The following OR5H15 variants were observed in gnomAD, a reference collection of about 807,000 sequenced individuals.
The protein encoded by OR5H15 is olfactory receptor family 5 subfamily H member 15.
For synonymous variants in OR5H15, 153 were observed against 129.1 expected (o/e 1.19, Z -1.26); for missense variants, 405 against 366.1 (o/e 1.11, Z -0.87).
chr3:98,169,408 G>A lies in OR5H15; in HGVS notation c.709G>A (p.Ala237Thr), dbSNP rs746024358. Residue 237 changes from alanine to threonine, a missense_variant, in exon 2 of 2, where the codon GCC becomes ACC. Physicochemically the swap from Ala to Thr is moderately conservative, Grantham distance 58. Transcript: ENST00000641450. Reference sequence around the variant, plus strand: ...GAAATCTGATAAGGGTGTAAGGAAAGCCTTTTCCACCTGTGGAGCCCATCT... The same window carrying A: ...GAAATCTGATAAGGGTGTAAGGAAAACCTTTTCCACCTGTGGAGCCCATCT... ...EKKSDKGVRK[A>T]FSTCGAHLFS... is the part of the protein sequence containing the mutation. 5 of 1,613,440 alleles carry A rather than the reference G, an allele frequency of 3.1e-6. No homozygotes were observed. Among genetic ancestry groups the A allele is most frequent in the African/African-American group, 2.7e-5 (2 of 74,894 alleles).
intron 1 of OR5H15, 82 bp from the exon 2 acceptor site, chr3:98,168,600 G>T: frequency 6.7e-7 from 1 of 1,482,958 alleles, no homozygotes; most frequent in Non-Finnish European, 9.2e-7. Flanking sequence ...TCATTTTAGG[G>T]TTTATTTCAA....
intron 1 of OR5H15, among the ~76,000 whole-genome samples, chr3:98,167,168 TA>T (rs1170918021): frequency 1.3e-5 from 2 of 152,144 alleles, no homozygotes; most frequent in African/African-American, 4.8e-5. Flanking sequence ...ATTATTTTGA[TA>T]TAAATACCCA....
chr3:98,167,275 C>T (rs1246633900), intron 1 of OR5H15, among the ~76,000 whole-genome samples: 1 of 152,098 alleles, frequency 6.6e-6, no homozygotes, highest in East Asian at 1.9e-4. Context: ...AATTTGACAG[C>T]TCACACTGTA....
chr3:98,169,594 G>T lies in OR5H15; in HGVS notation c.895G>T (p.Val299Phe), dbSNP rs72487748. 2.5e-6 allele frequency: 4 copies of T among 1,605,470 alleles called. No homozygotes were observed. Among genetic ancestry groups the T allele is most frequent in the Admixed American group, 1.7e-5 (1 of 59,480 alleles). ...IYSLRNKQVI[V>F]SFIKMLKRNV... ...CAGTCTGAGAAATAAGCAAGTCATA[G>T]TTTCATTCATAAAAATGTTAAAAAG... The change falls in exon 2 of 2, where the codon GTT becomes TTT. Residue 299 changes from valine to phenylalanine, a missense_variant. Transcript: ENST00000641450.
Position 98,169,428 on chromosome 3 carries a change from C to T in OR5H15, c.729C>T (p.Ala243=). 1.2e-6 allele frequency: 2 copies of T among 1,613,448 alleles called. No individual in the cohort carries two copies. Among genetic ancestry groups the T allele is most frequent in the Non-Finnish European group, 1.7e-6 (2 of 1,179,698 alleles). Residue 243 remains alanine, a synonymous_variant, in exon 2 of 2, where the codon GCC becomes GCT. Transcript: ENST00000641450. The stretch of plus-strand genomic sequence containing the variant: ...GGAAAGCCTTTTCCACCTGTGGAGC[C>T]CATCTCTTCTCTGTCTGTTTATACT... ...GVRKAFSTCG[A]HLFSVCLYYG...
intron 1 of OR5H15, among the ~76,000 whole-genome samples, chr3:98,168,110 C>T (rs950321432): frequency 1.3e-5 from 2 of 152,040 alleles, no homozygotes; most frequent in Admixed American, 6.6e-5. Flanking sequence ...CATGAACACT[C>T]TGTCAGATAA....
rs764098059 is a variant in OR5H15 at position 98,169,646 on chromosome 3, C to T, written c.*5C>T. The T allele has an allele frequency of 6.4e-7, 1 of 1,561,040 alleles. No homozygotes were observed. Among genetic ancestry groups the T allele is most frequent in the Non-Finnish European group, 8.8e-7 (1 of 1,139,200 alleles). On this transcript the variant is annotated 3_prime_UTR_variant, in exon 2 of 2. Coordinates refer to ENST00000641450, the MANE Select transcript of OR5H15 (RefSeq NM_001005515.2). ...AATGTTAAGGTTTCATACTAATATC[C>T]TTTTTCTATTTACTAAAATAGTCAC...
At chr3:98,166,941 G>A (rs1210083040) in intron 1 of OR5H15, 110 bp downstream of exon 1, 2 of 152,074 alleles carry the variant, frequency 1.3e-5, no homozygotes, top group South Asian at 4.1e-4. Flanking sequence ...GAAATAGCAA[G>A]ATGGAATTTG....
Position 98,169,725 on chromosome 3 carries a change from G to A in OR5H15, c.*84G>A. 9.9e-7 allele frequency: 1 copy of A among 1,013,760 alleles called. No individual in the cohort carries two copies. The highest frequency in any genetic ancestry group is 1.4e-5 in the South Asian group (1 of 73,526). 62.8% of individuals were successfully genotyped at this position (1,013,760 alleles called of 1,614,324 possible). On this transcript the variant is annotated 3_prime_UTR_variant, in exon 2 of 2. Transcript: ENST00000641450. ...TTGTTTCCAGTGTTCAAACATTTTT[G>A]CAAGTATAACTGTCCTAGCACTTTA...
chr3:98,169,090 C>A lies in OR5H15; in HGVS notation c.391C>A (p.Leu131Ile). Reference protein sequence around the residue: ...DRYVAICKPLLYPAIMTNGLC... With the variant: ...DRYVAICKPLIYPAIMTNGLC... ...CTATGTAGCCATATGCAAACCTTTA[C>A]TTTATCCAGCCATTATGACCAATGG... Residue 131 changes from leucine (L) to isoleucine (I), a missense_variant, in exon 2 of 2, where the codon CTT becomes ATT. By Grantham distance (5) the Leu-to-Ile change is conservative (BLOSUM62 2). Transcript: ENST00000641450. 2 of 1,613,404 alleles carry A rather than the reference C, an allele frequency of 1.2e-6. No individual in the cohort carries two copies. Among genetic ancestry groups the A allele is most frequent in the Non-Finnish European group, 1.7e-6 (2 of 1,179,620 alleles).
chr3:98,169,242 T>C lies in OR5H15; in HGVS notation c.543T>C (p.Thr181=). 1.2e-6 allele frequency: 2 copies of C among 1,611,260 alleles called. No individual in the cohort carries two copies. Among genetic ancestry groups the C allele is most frequent in the Non-Finnish European group, 1.7e-6 (2 of 1,177,964 alleles). The change falls in exon 2 of 2, where the codon ACT becomes ACC. Residue 181 remains threonine (T), a synonymous_variant. Coordinates refer to ENST00000641450, the MANE Select transcript of OR5H15 (RefSeq NM_001005515.2). ...TAGTACATCACATTTACTGTGACAC[T>C]ATCCCATTGTCTAAGATTTCTTGTA... The part of the protein sequence containing the change: ...SNIVHHIYCD[T]IPLSKISCTD...
At chr3:98,168,163 A>G (rs1193112326) in intron 1 of OR5H15, among the ~76,000 whole-genome samples, 1 of 152,026 alleles carries the variant, frequency 6.6e-6, no homozygotes, top group Non-Finnish European at 1.5e-5. Flanking sequence ...GACCTTACTA[A>G]GAAGTTTCTA....
rs1708755056 is a variant in OR5H15 at position 98,168,696 on chromosome 3, G to A, written c.-4G>A. ...TTTTATTTTAGAGGACATGCAGTGA[G>A]GACATGGAAGAGGAAAATGCAACAT... On this transcript the variant is annotated 5_prime_UTR_variant, in exon 2 of 2. Transcript: ENST00000641450. 1 of 1,612,112 alleles carries A rather than the reference G, an allele frequency of 6.2e-7. No individual in the cohort carries two copies. Among genetic ancestry groups the A allele is most frequent in the East Asian group, 2.2e-5 (1 of 44,820 alleles).
intron 1 of OR5H15, among the ~76,000 whole-genome samples, chr3:98,167,962 C>A (rs548017244): frequency 9.2e-4 from 140 of 152,158 alleles, no homozygotes; most frequent in African/African-American, 2.5e-3. Flanking sequence ...GTTTTACCAT[C>A]TCTTCCAATG....
At chr3:98,168,563 C>A in intron 1 of OR5H15, 119 bp from the exon 2 acceptor site, 2 of 1,123,800 alleles carry the variant, frequency 1.8e-6, no homozygotes, top group Non-Finnish European at 2.5e-6. Context: ...AGTTGTAGGA[C>A]TGATCAAAAA....
At position 98,169,651 on chromosome 3, in the gene OR5H15, T is replaced by C. The variant is rs1379909955; in HGVS notation, c.*10T>C. The C allele has an allele frequency of 6.4e-7, 1 of 1,552,428 alleles. No homozygotes were observed. The highest frequency in any genetic ancestry group is 8.8e-7 in the Non-Finnish European group (1 of 1,132,408). ...TAAGGTTTCATACTAATATCCTTTT[T>C]CTATTTACTAAAATAGTCACAAAAT... On this transcript the variant is annotated 3_prime_UTR_variant, in exon 2 of 2. Transcript: ENST00000641450.
Position 98,169,724 on chromosome 3 carries a change from T to G in OR5H15, c.*83T>G, listed in dbSNP as rs1285728417. The stretch of plus-strand genomic sequence containing the variant: ...GTTGTTTCCAGTGTTCAAACATTTT[T>G]GCAAGTATAACTGTCCTAGCACTTT... On this transcript the variant is annotated 3_prime_UTR_variant, in exon 2 of 2. Transcript: ENST00000641450. The G allele has an allele frequency of 2.0e-6, 2 of 1,020,526 alleles. No individual in the cohort carries two copies. Among genetic ancestry groups the G allele is most frequent in the Non-Finnish European group, 3.0e-6 (2 of 673,306 alleles). The allele number at this position is 1,020,526 out of a possible 1,614,324, so 63.2% of individuals were successfully genotyped here.
chr3:98,168,731 A>T lies in OR5H15; in HGVS notation c.32A>T (p.Glu11Val). The T allele has an allele frequency of 6.2e-7, 1 of 1,613,318 alleles. No individual in the cohort carries two copies. The highest frequency in any genetic ancestry group is 2.2e-5 in the East Asian group (1 of 44,846). MEEENATLLT[E>V]FVLTGFLYQP... is the part of the protein sequence containing the mutation. ...GAGGAAAATGCAACATTGCTGACAG[A>T]GTTTGTTCTCACAGGATTTTTATAT... The change falls in exon 2 of 2, where the codon GAG becomes GTG. Residue 11 changes from glutamate to valine, a missense_variant. By Grantham distance (121) the Glu-to-Val change is moderately radical. Transcript: ENST00000641450.
In OR5H15 at chr3:98,169,479, G is replaced by A. The variant is rs1291961329; in HGVS notation, c.780G>A (p.Val260=). 6 of 1,604,846 alleles carry A rather than the reference G, an allele frequency of 3.7e-6. No individual in the cohort carries two copies. The East Asian group carries it at 8.9e-5, about 24-fold the overall frequency. The change falls in exon 2 of 2, where the codon GTG becomes GTA. Residue 260 remains valine (V), a synonymous_variant. Transcript: ENST00000641450. ...ATGGCCCCCTTCTCTTAATGTATGT[G>A]GGCCCTGCATCTCCGCAAGCAGATG... ...LYYGPLLLMY[V]GPASPQADGQ...
Sources: allele counts gnomAD v4.1 joint callset (sites outside exome capture counted in the v4.1 genomes callset), GRCh38; gene constraint gnomAD v4.1.1; transcripts MANE v1.5; gene names NCBI Gene and HGNC (gene_info 2026-07-23, HGNC 2026-07-21).